SPIRE1: variants seen among roughly 807,000 people sequenced by gnomAD.
The protein encoded by SPIRE1 is protein spire homolog 1.
Under a neutral mutation model 94.1 loss-of-function variants are expected in SPIRE1, and 40 were observed. The observed-to-expected ratio is 0.43, with a 90% CI of 0.33 to 0.55. SPIRE1 has a LOEUF of 0.55. Ranked by LOEUF, SPIRE1 falls within the 20% of genes least tolerant of loss-of-function variation. SPIRE1 has a pLI of 0.06. For synonymous variants in SPIRE1, 376 were observed against 371.7 expected (o/e 1.01, Z -0.13); for missense variants, 838 against 975.2 (o/e 0.86, Z 1.87).
At chr18:12,535,115 C>T (rs935705896) in intron 4 of SPIRE1, among the ~76,000 whole-genome samples, 3 of 152,116 alleles carry the variant, frequency 2.0e-5, no homozygotes, top group Admixed American at 2.0e-4. Context: ...TATCCCTTCC[C>T]GGAAGAGGTC....
chr18:12,470,462 A>T (rs1050768731), intron 10 of SPIRE1, among the ~76,000 whole-genome samples: 3 of 152,152 alleles, frequency 2.0e-5, no homozygotes. Context: ...AGCTGCACAC[A>T]ATTTTCTGAT....
chr18:12,510,226 G>A (rs967945707), intron 5 of SPIRE1, among the ~76,000 whole-genome samples: 1 of 152,054 alleles, frequency 6.6e-6, no homozygotes, highest in African/African-American at 2.4e-5. Context: ...GCAGGAGGTA[G>A]GATCATAAAA....
At chr18:12,550,228 C>T (rs1334050717) in intron 2 of SPIRE1, among the ~76,000 whole-genome samples, 2 of 152,144 alleles carry the variant, frequency 1.3e-5, no homozygotes, top group Admixed American at 6.5e-5. Context: ...CCCGAAAGGG[C>T]GGTAGCAATG....
rs764295830 is a variant in SPIRE1, at chr18:12,535,464, A to G, written c.729+12T>C. On this transcript the variant is annotated intron_variant, in intron 4 of 16. Coordinates refer to ENST00000409402, the MANE Select transcript of SPIRE1 (RefSeq NM_001128626.2). ...AAACAATGCCAATAAATATCAAAGC[A>G]GTAGTACTCACCTCTTTCGCACTCT... is the stretch of plus-strand genomic sequence containing the variant. The G allele has an allele frequency of 1.6e-5, 25 of 1,607,470 alleles. No individual in the cohort carries two copies. Among genetic ancestry groups the G allele is most frequent in the Non-Finnish European group, 2.0e-5 (24 of 1,175,594 alleles).
intron 10 of SPIRE1, among the ~76,000 whole-genome samples, chr18:12,470,424 C>T (rs2032307600): frequency 6.6e-6 from 1 of 152,074 alleles, no homozygotes; most frequent in African/African-American, 2.4e-5. Context: ...TGTTAATGGC[C>T]CACTGTCCCT....
chr18:12,546,061 C>G (rs1464620078), intron 3 of SPIRE1, among the ~76,000 whole-genome samples: 1 of 152,116 alleles, frequency 6.6e-6, no homozygotes, highest in African/African-American at 2.4e-5. Context: ...GTGATCTCAG[C>G]TCACTGCAAG....
At chr18:12,484,984 A>G (rs1442788877) in intron 9 of SPIRE1, among the ~76,000 whole-genome samples, 5 of 152,124 alleles carry the variant, frequency 3.3e-5, no homozygotes, top group Non-Finnish European at 7.4e-5. Flanking sequence ...TTATAGCTCA[A>G]ATTTAGTTAT....
intron 1 of SPIRE1, among the ~76,000 whole-genome samples, chr18:12,638,308 T>C (rs1027954696): frequency 7.2e-5 from 11 of 152,054 alleles, no homozygotes; most frequent in East Asian, 1.9e-4. Flanking sequence ...GCCACGCATG[T>C]TGGCACAAGC....
At chr18:12,469,569 ATATATATTATATATAG>A (rs1272955781) in intron 10 of SPIRE1, among the ~76,000 whole-genome samples, 1 of 145,466 alleles carries the variant, frequency 6.9e-6, no homozygotes, top group African/African-American at 2.5e-5. Flanking sequence ...TATATAAATT[ATATATATTATATATAG>A]TATATATTAT....
At chr18:12,582,259 A>G (rs2144540077) in intron 2 of SPIRE1, among the ~76,000 whole-genome samples, 2 of 152,324 alleles carry the variant, frequency 1.3e-5, no homozygotes, top group South Asian at 4.1e-4. Flanking sequence ...AATTATTTAT[A>G]TGGTTAATGA....
In SPIRE1 at chr18:12,493,275, G is replaced by A. The variant is rs2033309271; in HGVS notation, c.1060-74C>T. 3 of 1,333,024 alleles carry A rather than the reference G, an allele frequency of 2.3e-6. No homozygotes were observed. The African/African-American group carries it at 4.4e-5, about 20-fold the overall frequency. The allele number at this position is 1,333,024 out of a possible 1,614,324, so 82.6% of individuals were successfully genotyped here. ...TACTGAAGTCTAGTCATACAGTACA[G>A]TATTATAAATTACATTTCATTGACT... On this transcript the variant is annotated intron_variant, in intron 7 of 16. Transcript: ENST00000409402.
chr18:12,542,710 A>G (rs931637882), intron 3 of SPIRE1, among the ~76,000 whole-genome samples: 2 of 152,224 alleles, frequency 1.3e-5, no homozygotes, highest in African/African-American at 4.8e-5. Context: ...TCCCAATGCC[A>G]AGGTCTTAGA....
chr18:12,477,738 G>C (rs2032659063), intron 10 of SPIRE1, among the ~76,000 whole-genome samples: 1 of 152,166 alleles, frequency 6.6e-6, no homozygotes, highest in Admixed American at 6.5e-5. Flanking sequence ...AGGCCACGCT[G>C]ACTCTGACAA....
In SPIRE1 at chr18:12,461,562, T is replaced by TGGTATGTACGTAC. The variant is rs1568184229; in HGVS notation, c.1638+1788_1638+1789insGTACGTACATACC. Among the ~76,000 whole-genome samples, 1,195 of 136,500 alleles carry TGGTATGTACGTAC rather than the reference T, an allele frequency of 8.8e-3. 69 individuals are homozygous for TGGTATGTACGTAC. Among genetic ancestry groups the TGGTATGTACGTAC allele is most frequent in the African/African-American group, 0.035 (1,128 of 32,436 alleles). 89.5% of individuals were successfully genotyped at this position (136,500 alleles called of 152,430 possible). ...ACATATGTATATACATACATGCGTG[T>TGGTATGTACGTAC]ATATGTATGTACATACATATGTATA... On this transcript the variant is annotated intron_variant, in intron 12 of 16. Coordinates refer to ENST00000409402, the MANE Select transcript of SPIRE1 (RefSeq NM_001128626.2).
At chr18:12,560,065 C>G (rs2035639767) in intron 2 of SPIRE1, among the ~76,000 whole-genome samples, 1 of 152,156 alleles carries the variant, frequency 6.6e-6, no homozygotes, top group Admixed American at 6.5e-5. Flanking sequence ...GTTAAAATGG[C>G]TTCTATCTAA....
chr18:12,494,814 G>T lies in SPIRE1; in HGVS notation c.1059+1202C>A, dbSNP rs1279801584. Among the ~76,000 whole-genome samples the T allele has an allele frequency of 5.6e-5, 8 of 142,032 alleles. No homozygotes were observed. The East Asian group carries it at 1.6e-3, about 28-fold the overall frequency. 93.2% of individuals were successfully genotyped at this position (142,032 alleles called of 152,430 possible). A position where few individuals can be genotyped will look rare whatever the true frequency, so the allele number is the denominator to read the frequency against. ...AGATCGCGCCACTGCACTCCAGCCT[G>T]GGCGACAGAGTGAGACTCCATCTCA... On this transcript the variant is annotated intron_variant, in intron 7 of 16. Transcript: ENST00000409402.
intron 6 of SPIRE1, among the ~76,000 whole-genome samples, chr18:12,502,238 G>A (rs1231156833): frequency 6.6e-6 from 1 of 152,034 alleles, no homozygotes; most frequent in Admixed American, 6.6e-5. Flanking sequence ...AAAGGTTCTT[G>A]CAGTGTAAAA....
At chr18:12,614,854 T>C (rs2037240596) in intron 2 of SPIRE1, among the ~76,000 whole-genome samples, 1 of 151,656 alleles carries the variant, frequency 6.6e-6, no homozygotes, top group Admixed American at 6.6e-5. Flanking sequence ...ATAAAATCTC[T>C]GTATTACTTT....
chr18:12,491,496 CT>C (rs149198532), intron 8 of SPIRE1, among the ~76,000 whole-genome samples: 18,992 of 150,344 alleles, frequency 0.13, 1,348 homozygotes, highest in African/African-American at 0.17. Context: ...GTCAACTGAT[CT>C]TTTTTTTTTC....
Sources: gnomAD v4.1 joint callset for allele counts (sites outside exome capture counted in the v4.1 genomes callset) on GRCh38, gnomAD v4.1.1 for gene constraint, MANE v1.5 for transcripts, NCBI Gene and HGNC (gene_info 2026-07-23, HGNC 2026-07-21) for gene names.